The following ZNF438 variants were observed in gnomAD, a reference collection of about 807,000 sequenced individuals.
ZNF438 encodes the protein zinc finger protein 438.
ZNF438 carries 25 observed loss-of-function variants against 38.0 expected under a neutral mutation model. The ratio of observed to expected loss-of-function variants is 0.66; its 90% CI spans 0.48 to 0.92. The LOEUF (loss-of-function observed/expected upper bound fraction) is 0.92, where lower values mean the gene tolerates loss of function less well. Among genes scored for constraint, ZNF438 ranks in the 40% least tolerant of loss-of-function variants. The pLI is 0.00. For synonymous variants in ZNF438, 372 were observed against 364.1 expected (o/e 1.02, Z -0.25); for missense variants, 1,007 against 999.6 (o/e 1.01, Z -0.10).
chr10:30,971,663 C>T (rs569021810), intron 1 of ZNF438, among the ~76,000 whole-genome samples: 4 of 151,918 alleles, frequency 2.6e-5, no homozygotes, highest in Non-Finnish European at 5.9e-5. Flanking sequence ...TTATAGTTAA[C>T]GTGTTCAAAT....
At chr10:31,010,001 A>G (rs1282366987) in intron 1 of ZNF438, among the ~76,000 whole-genome samples, 2 of 152,060 alleles carry the variant, frequency 1.3e-5, no homozygotes, top group Admixed American at 1.3e-4. Context: ...GGTGCCTGCC[A>G]TGACAACCGG....
At chr10:30,926,641 G>A (rs2044967892) in intron 2 of ZNF438, among the ~76,000 whole-genome samples, 1 of 150,624 alleles carries the variant, frequency 6.6e-6, no homozygotes, top group Admixed American at 6.6e-5. Flanking sequence ...ACTCCAGCCT[G>A]AGCGACAGGG....
At chr10:30,998,399 C>T (rs909589178) in intron 1 of ZNF438, among the ~76,000 whole-genome samples, 9 of 151,310 alleles carry the variant, frequency 5.9e-5, no homozygotes, top group Non-Finnish European at 1.2e-4. Flanking sequence ...AAAAATTAGC[C>T]GGGCATGGTG....
intron 2 of ZNF438, among the ~76,000 whole-genome samples, chr10:30,935,547 A>C (rs930455066): frequency 6.6e-6 from 1 of 152,106 alleles, no homozygotes; most frequent in Non-Finnish European, 1.5e-5. Context: ...TGCGCCCATG[A>C]CTCAAACACC....
chr10:30,965,557 AT>A (rs1280628542), intron 1 of ZNF438, among the ~76,000 whole-genome samples: 5 of 152,266 alleles, frequency 3.3e-5, no homozygotes, highest in Non-Finnish European at 5.9e-5. Flanking sequence ...GTATATATAC[AT>A]CATGGAATAC....
At chr10:30,931,623 C>G (rs2045707884) in intron 2 of ZNF438, among the ~76,000 whole-genome samples, 1 of 152,198 alleles carries the variant, frequency 6.6e-6, no homozygotes, top group African/African-American at 2.4e-5. Context: ...ATATTCACGT[C>G]TTCAAGGTAG....
At chr10:30,948,105 A>T (rs2047669828) in intron 1 of ZNF438, among the ~76,000 whole-genome samples, 1 of 152,156 alleles carries the variant, frequency 6.6e-6, no homozygotes, top group South Asian at 2.1e-4. Flanking sequence ...ACCCCTGAGC[A>T]GCCTAACTGG....
Position 30,879,883 on chromosome 10 carries a change from T to C in ZNF438, c.-31-2818A>G, listed in dbSNP as rs370339335. ...TACCAGTATTTGAAGAGGGGAGAGA[T>C]GGAAGGGCAAAAAAATTATTTTAAG... On this transcript the variant is annotated intron_variant, in intron 3 of 5. Coordinates refer to ENST00000413025, the Ensembl canonical transcript of ZNF438. 8.5e-5 allele frequency among the ~76,000 whole-genome samples: 13 copies of C among 152,070 alleles called. No homozygotes were observed. The East Asian group carries it at 1.9e-3, about 23-fold the overall frequency.
intron 4 of ZNF438, among the ~76,000 whole-genome samples, chr10:30,855,507 G>T (rs2034463120): frequency 6.6e-6 from 1 of 152,200 alleles, no homozygotes; most frequent in African/African-American, 2.4e-5. Context: ...AAGGTTAAGG[G>T]TCTCCATGAA....
chr10:30,943,303 T>C (rs2047016019), intron 1 of ZNF438, among the ~76,000 whole-genome samples: 1 of 152,140 alleles, frequency 6.6e-6, no homozygotes, highest in East Asian at 1.9e-4. Flanking sequence ...AACATTTGTG[T>C]GTAAGGGAGT....
intron 4 of ZNF438, among the ~76,000 whole-genome samples, chr10:30,857,313 GGTGA>G (rs1307726054): frequency 2.0e-5 from 3 of 147,746 alleles, no homozygotes; most frequent in Non-Finnish European, 3.0e-5. Context: ...GGAATGCAGT[GGTGA>G]GATCTTGGCT....
At chr10:30,851,161 A>C (rs1588752934) in intron 4 of ZNF438, among the ~76,000 whole-genome samples, 1 of 152,278 alleles carries the variant, frequency 6.6e-6, no homozygotes, top group Non-Finnish European at 1.5e-5. Flanking sequence ...CAGAGACAAC[A>C]TGCAAAATAT....
chr10:30,921,293 T>A (rs2015083733), intron 2 of ZNF438: 3 of 152,234 alleles, frequency 2.0e-5, no homozygotes. Context: ...TGTCCTCCAG[T>A]GTTGCCTCAA....
chr10:30,965,489 C>T (rs907840752), intron 1 of ZNF438, among the ~76,000 whole-genome samples: 61 of 152,250 alleles, frequency 4.0e-4, no homozygotes, highest in Admixed American at 1.2e-3. Flanking sequence ...TTCATGACAG[C>T]ACTATGTACA....
chr10:31,004,554 G>C (rs2054943117), intron 1 of ZNF438, among the ~76,000 whole-genome samples: 2 of 152,210 alleles, frequency 1.3e-5, no homozygotes, highest in South Asian at 4.1e-4. Context: ...AATGAAGGCA[G>C]TATGCTGTGA....
At chr10:30,859,053 C>T (rs1307868038) in intron 4 of ZNF438, among the ~76,000 whole-genome samples, 1 of 152,050 alleles carries the variant, frequency 6.6e-6, no homozygotes, top group Admixed American at 6.6e-5. Context: ...TCACTTAATA[C>T]CCAAAAAACC....
At chr10:30,889,409 T>C (rs2040392378) in intron 3 of ZNF438, among the ~76,000 whole-genome samples, 1 of 152,146 alleles carries the variant, frequency 6.6e-6, no homozygotes, top group Non-Finnish European at 1.5e-5. Context: ...CCCTCCCCTC[T>C]TCCCTCCTCT....
intron 4 of ZNF438, 35 bp from the exon 6 acceptor site, chr10:30,850,402 T>C (rs757242441): frequency 4.5e-6 from 7 of 1,572,678 alleles, no homozygotes; most frequent in Middle Eastern, 3.4e-4. Flanking sequence ...AGTTACTGTA[T>C]GTAACTGTTC....
At chr10:30,845,148 G>A (rs147263115) in exon 6 of ZNF438, 36 of 1,614,102 alleles carry the variant, frequency 2.2e-5, no homozygotes, top group Admixed American at 3.3e-5. Flanking sequence ...CAAGAGAAAC[G>A]TGTGGAGGCC....
Sources: gnomAD v4.1 joint callset for allele counts (sites outside exome capture counted in the v4.1 genomes callset) on GRCh38, gnomAD v4.1.1 for gene constraint, MANE v1.5 for transcripts, NCBI Gene and HGNC (gene_info 2026-07-23, HGNC 2026-07-21) for gene names.